The following HECW1 variants were observed in gnomAD, a reference collection of about 807,000 sequenced individuals.
The protein encoded by HECW1 is E3 ubiquitin-protein ligase HECW1.
In HECW1, 61 loss-of-function variants were observed where a neutral mutation model predicts 182.3. The observed-to-expected ratio is 0.33, with a 90% CI of 0.27 to 0.41. The LOEUF is 0.41. HECW1 is among the 10% of genes least tolerant of loss of function. The probability of loss-of-function intolerance (pLI) is 1.00; values close to 1 mark genes in which losing one functional copy is unlikely to be tolerated. For missense variants in HECW1, 1,739 were observed against 2,108.9 expected, an observed-to-expected ratio of 0.82 and a Z score of 3.44; for synonymous variants, 859 against 832.6, an observed-to-expected ratio of 1.03 and a Z score of -0.55.
At chr7:43,353,111 A>C (rs1363331580) in intron 5 of HECW1, among the ~76,000 whole-genome samples, 1 of 152,142 alleles carries the variant, frequency 6.6e-6, no homozygotes, top group Admixed American at 6.6e-5. Flanking sequence ...GTTTTGCTCT[A>C]CTTCGTGAAG....
rs79924158 is a variant in HECW1 at position 43,225,234 on chromosome 7, G to A, written c.-31-18641G>A. Among the ~76,000 whole-genome samples, 745 of 152,212 alleles carry A rather than the reference G, an allele frequency of 4.9e-3. 3 individuals are homozygous for A. Among genetic ancestry groups the A allele is most frequent in the Non-Finnish European group, 7.3e-3 (495 of 68,014 alleles). On this transcript the variant is annotated intron_variant, in intron 2 of 29. Coordinates refer to ENST00000395891, the MANE Select transcript of HECW1 (RefSeq NM_015052.5). ...AGACTTAAATTATTTTACAACCATCGAGTTAAAAACAAAGAAGGCTGGCGA... is the reference window on the plus strand; with the variant it reads ...AGACTTAAATTATTTTACAACCATCAAGTTAAAAACAAAGAAGGCTGGCGA...
At chr7:43,550,321 T>C (rs1055491436) in intron 26 of HECW1, 124 bp from the exon 27 acceptor site, 24 of 1,020,866 alleles carry the variant, frequency 2.4e-5, no homozygotes, top group Admixed American at 4.5e-5. Context: ...ACTCCAGGGA[T>C]AATAATGCTG....
chr7:43,299,173 T>C (rs1806421239), intron 3 of HECW1, among the ~76,000 whole-genome samples: 1 of 152,258 alleles, frequency 6.6e-6, no homozygotes, highest in Admixed American at 6.5e-5. Flanking sequence ...GTTTGCCATC[T>C]GATAATTGCT....
At chr7:43,249,855 T>C (rs1799838609) in intron 3 of HECW1, among the ~76,000 whole-genome samples, 2 of 152,182 alleles carry the variant, frequency 1.3e-5, no homozygotes, top group South Asian at 4.1e-4. Flanking sequence ...TCCCTAGTAG[T>C]ATTTTTTCCC....
chr7:43,260,889 C>T (rs1372288435), intron 3 of HECW1, among the ~76,000 whole-genome samples: 1 of 152,192 alleles, frequency 6.6e-6, no homozygotes, highest in East Asian at 1.9e-4. Context: ...AACAAGCATT[C>T]ACATAGTGCC....
At chr7:43,179,890 C>T (rs1285019332) in intron 2 of HECW1, among the ~76,000 whole-genome samples, 2 of 152,068 alleles carry the variant, frequency 1.3e-5, no homozygotes, top group African/African-American at 2.4e-5. Flanking sequence ...CATTTACTAG[C>T]GCAGTAATTT....
chr7:43,308,418 G>T (rs957806596), intron 3 of HECW1, among the ~76,000 whole-genome samples: 10 of 141,852 alleles, frequency 7.0e-5, no homozygotes, highest in Non-Finnish European at 4.5e-5. Flanking sequence ...CACCTTAAAA[G>T]TCATACAATT....
Position 43,188,340 on chromosome 7 carries a change from G to C in HECW1, c.-31-55535G>C, listed in dbSNP as rs141872021. On this transcript the variant is annotated intron_variant, in intron 2 of 29. Coordinates refer to ENST00000395891, the MANE Select transcript of HECW1 (RefSeq NM_015052.5). ...AGACTCCTGTAGGAGCTAAATAACT[G>C]CTCCTATGATTGGTGTGTGGGGATT... 9.2e-5 allele frequency among the ~76,000 whole-genome samples: 14 copies of C among 152,300 alleles called. No individual in the cohort carries two copies. In the East Asian group the frequency reaches 2.7e-3, roughly 29 times the overall value.
At chr7:43,166,975 G>A (rs1381516675) in intron 2 of HECW1, among the ~76,000 whole-genome samples, 1 of 152,234 alleles carries the variant, frequency 6.6e-6, no homozygotes, top group Admixed American at 6.5e-5. Flanking sequence ...GGCAGCCACT[G>A]AATGACGCAA....
At chr7:43,362,467 T>C (rs1816087923) in intron 6 of HECW1, among the ~76,000 whole-genome samples, 2 of 152,198 alleles carry the variant, frequency 1.3e-5, no homozygotes, top group South Asian at 4.1e-4. Flanking sequence ...GCCATGCAGA[T>C]TGGAACGTGA....
At chr7:43,159,307 A>G (rs1292771916) in intron 2 of HECW1, among the ~76,000 whole-genome samples, 1 of 151,660 alleles carries the variant, frequency 6.6e-6, no homozygotes, top group African/African-American at 2.4e-5. Context: ...TACCTTAGGT[A>G]TTTCTCCTAA....
intron 2 of HECW1, among the ~76,000 whole-genome samples, chr7:43,214,828 G>A (rs369217277): frequency 1.4e-4 from 21 of 152,326 alleles, no homozygotes; most frequent in African/African-American, 5.1e-4. Context: ...GGAACCATGT[G>A]GGGGCATGTT....
intron 16 of HECW1, among the ~76,000 whole-genome samples, 167 bp downstream of exon 16, chr7:43,469,272 C>T (rs888910714): frequency 6.6e-6 from 1 of 152,184 alleles, no homozygotes; most frequent in Non-Finnish European, 1.5e-5. Flanking sequence ...GGTTTCTCAA[C>T]CTCAGCACTA....
At chr7:43,339,502 A>G (rs1812699108) in intron 5 of HECW1, among the ~76,000 whole-genome samples, 1 of 152,172 alleles carries the variant, frequency 6.6e-6, no homozygotes, top group African/African-American at 2.4e-5. Context: ...TGTACTTAAT[A>G]TATCCATTTT....
intron 6 of HECW1, among the ~76,000 whole-genome samples, chr7:43,392,831 C>T (rs1461992669): frequency 1.3e-5 from 2 of 152,154 alleles, no homozygotes; most frequent in Non-Finnish European, 2.9e-5. Context: ...GCTATAGTCT[C>T]CGGACTGCTG....
At chr7:43,207,121 A>C (rs1795549765) in intron 2 of HECW1, among the ~76,000 whole-genome samples, 1 of 152,162 alleles carries the variant, frequency 6.6e-6, no homozygotes, top group African/African-American at 2.4e-5. Flanking sequence ...ATCTCAGCTC[A>C]CTGCAACCTC....
In HECW1 at chr7:43,243,110, AT is replaced by A. The variant is rs1799042497; in HGVS notation, c.-31-761del. Reference sequence around the variant, plus strand: ...TTTCTGGAATCAGGCCACATTGATTATTTTCATGGTGACTGTAACTCCCAAG... The same window carrying A: ...TTTCTGGAATCAGGCCACATTGATTATTTCATGGTGACTGTAACTCCCAAG... On this transcript the variant is annotated intron_variant, in intron 2 of 29. Transcript: ENST00000395891. The surrounding 1 kb of genome is among the most constrained non-coding windows in gnomAD (Gnocchi z 4.0). 6.6e-6 allele frequency among the ~76,000 whole-genome samples: 1 copy of A among 152,166 alleles called. No homozygotes were observed. Among genetic ancestry groups the A allele is most frequent in the Non-Finnish European group, 1.5e-5 (1 of 68,038 alleles).
intron 5 of HECW1, among the ~76,000 whole-genome samples, chr7:43,359,500 A>G (rs914830045): frequency 2.0e-5 from 3 of 152,216 alleles, no homozygotes; most frequent in African/African-American, 2.4e-5. Context: ...CAATGTGTAA[A>G]TCTATTCAGT....
At chr7:43,452,522 T>C (rs1435330780) in intron 12 of HECW1, among the ~76,000 whole-genome samples, 1 of 152,202 alleles carries the variant, frequency 6.6e-6, no homozygotes, top group Non-Finnish European at 1.5e-5. Context: ...TCTCAAATAG[T>C]ACAAGAATTA....
Sources: gnomAD v4.1 joint callset for allele counts (sites outside exome capture counted in the v4.1 genomes callset) on GRCh38, gnomAD v4.1.1 for gene constraint, Gnocchi (gnomAD v3.1) non-coding constraint, MANE v1.5 for transcripts, NCBI Gene and HGNC (gene_info 2026-07-23, HGNC 2026-07-21) for gene names.